Variants in GADL1 observed in about 807,000 individuals in gnomAD.
GADL1 encodes acidic amino acid decarboxylase GADL1.
Under a neutral mutation model 69.5 loss-of-function variants are expected in GADL1, and 71 were observed. The ratio of observed to expected loss-of-function variants is 1.02; its 90% CI spans 0.84 to 1.25. The LOEUF (loss-of-function observed/expected upper bound fraction) is 1.25. Ranked by LOEUF, GADL1 falls within the 50% of genes most tolerant of loss-of-function variation. GADL1 has a pLI of 0.00. For missense variants in GADL1, 737 were observed against 631.8 expected, an observed-to-expected ratio of 1.17 and a Z score of -1.79; for synonymous variants, 254 against 214.4, an observed-to-expected ratio of 1.18 and a Z score of -1.62.
intron 14 of GADL1, among the ~76,000 whole-genome samples, chr3:30,755,075 A>G (rs1695935960): frequency 6.6e-6 from 1 of 152,194 alleles, no homozygotes; most frequent in South Asian, 2.1e-4. Context: ...TAGCCTACCC[A>G]GGGACAACGC....
chr3:30,853,837 G>C (rs1167626348), intron 4 of GADL1, among the ~76,000 whole-genome samples: 1 of 152,030 alleles, frequency 6.6e-6, no homozygotes, highest in Non-Finnish European at 1.5e-5. Context: ...CCCGACTAAA[G>C]TAATGCCCTC....
At chr3:30,872,843 A>C (rs1042473141) in intron 1 of GADL1, among the ~76,000 whole-genome samples, 7 of 151,906 alleles carry the variant, frequency 4.6e-5, no homozygotes, top group African/African-American at 1.7e-4. Context: ...AGTAGCTTGG[A>C]TTCTGTAGCC....
chr3:30,870,501 G>A (rs565088460), intron 1 of GADL1, among the ~76,000 whole-genome samples: 5 of 151,810 alleles, frequency 3.3e-5, no homozygotes, highest in African/African-American at 7.3e-5. Context: ...AGGTAAGGTC[G>A]TATTTTACTC....
chr3:30,859,632 C>A (rs1418107861), intron 2 of GADL1, among the ~76,000 whole-genome samples: 2 of 151,866 alleles, frequency 1.3e-5, no homozygotes, highest in Non-Finnish European at 2.9e-5. Context: ...AACCACACCC[C>A]AAAGGGGTAA....
intron 9 of GADL1, among the ~76,000 whole-genome samples, chr3:30,837,474 T>A (rs986493803): frequency 1.3e-5 from 2 of 152,130 alleles, no homozygotes; most frequent in African/African-American, 4.8e-5. Flanking sequence ...TATAAAGATG[T>A]TTTCTTCAAA....
intron 11 of GADL1, among the ~76,000 whole-genome samples, chr3:30,812,923 GAA>G (rs1251775538): frequency 6.6e-6 from 1 of 151,994 alleles, no homozygotes; most frequent in Non-Finnish European, 1.5e-5. Flanking sequence ...GATCGGGGAA[GAA>G]GAGAAGGAAG....
At chr3:30,806,729 C>CT (rs1308828904) in intron 11 of GADL1, among the ~76,000 whole-genome samples, 1 of 152,164 alleles carries the variant, frequency 6.6e-6, no homozygotes, top group Non-Finnish European at 1.5e-5. Context: ...AAGCTGAGAG[C>CT]TGAAAAGTGA....
intron 14 of GADL1, among the ~76,000 whole-genome samples, chr3:30,747,928 C>T (rs2125476014): frequency 6.6e-6 from 1 of 152,290 alleles, no homozygotes; most frequent in South Asian, 2.1e-4. Context: ...ATGAGTTTAG[C>T]AAAACTCCCT....
intron 14 of GADL1, among the ~76,000 whole-genome samples, chr3:30,757,086 G>A (rs1254114953): frequency 2.0e-5 from 3 of 152,064 alleles, no homozygotes; most frequent in Non-Finnish European, 2.9e-5. Flanking sequence ...GGCTCACCTC[G>A]AGACTAAGGC....
chr3:30,843,269 T>G (rs1338826607), intron 8 of GADL1, among the ~76,000 whole-genome samples: 1 of 151,446 alleles, frequency 6.6e-6, no homozygotes, highest in African/African-American at 2.4e-5. Flanking sequence ...TTTTTTTTTT[T>G]TTTTGAGATG....
intron 1 of GADL1, among the ~76,000 whole-genome samples, chr3:30,871,558 C>G (rs1414903556): frequency 1.3e-5 from 2 of 151,776 alleles, no homozygotes; most frequent in Non-Finnish European, 2.9e-5. Context: ...TAAAAAGTGA[C>G]AGAATAAGAT....
intron 2 of GADL1, among the ~76,000 whole-genome samples, chr3:30,857,628 C>T (rs529517110): frequency 3.8e-4 from 57 of 151,946 alleles, no homozygotes; most frequent in Non-Finnish European, 6.2e-4. Flanking sequence ...TGCTATCGAC[C>T]TAGCAGCCAG....
At chr3:30,781,197 A>AG (rs1400423047) in intron 13 of GADL1, among the ~76,000 whole-genome samples, 8 of 152,332 alleles carry the variant, frequency 5.3e-5, no homozygotes, top group Non-Finnish European at 1.2e-4. Context: ...TTCATGATAA[A>AG]GGAGTAATGT....
chr3:30,758,628 TC>T (rs1165511712), intron 14 of GADL1, among the ~76,000 whole-genome samples: 1 of 152,208 alleles, frequency 6.6e-6, no homozygotes, highest in Admixed American at 6.5e-5. Context: ...ATGTGGACCT[TC>T]TACGAATATA....
rs192343648 is a variant in GADL1, at chr3:30,892,897, C to T, written c.37+1681G>A. On this transcript the variant is annotated intron_variant, in intron 1 of 14. Coordinates refer to ENST00000282538, the MANE Select transcript of GADL1 (RefSeq NM_207359.3). ...TTGAGACAGAGTCTTGCTCTGTCAC[C>T]TAGGCTGGAGTACAGTGGCGCGAAT... Among the ~76,000 whole-genome samples, 982 of 152,262 alleles carry T rather than the reference C, an allele frequency of 6.4e-3. 7 individuals carry two copies. The highest frequency in any genetic ancestry group is 0.022 in the African/African-American group (926 of 41,522).
chr3:30,783,736 T>TG (rs1438255132), intron 13 of GADL1, among the ~76,000 whole-genome samples: 6 of 152,130 alleles, frequency 3.9e-5, no homozygotes, highest in African/African-American at 1.4e-4. Context: ...GCACTGCTTG[T>TG]GGGCCAGCTG....
intron 14 of GADL1, among the ~76,000 whole-genome samples, chr3:30,774,473 T>C (rs1317865080): frequency 2.0e-5 from 3 of 152,206 alleles, no homozygotes; most frequent in Non-Finnish European, 2.9e-5. Flanking sequence ...TTTTGAAAAG[T>C]ATATCATTAA....
chr3:30,876,123 TATA>T (rs749099254), intron 1 of GADL1, among the ~76,000 whole-genome samples: 4 of 152,052 alleles, frequency 2.6e-5, no homozygotes, highest in Non-Finnish European at 5.9e-5. Context: ...GTTCTATACA[TATA>T]ATATGTTACT....
intron 1 of GADL1, among the ~76,000 whole-genome samples, chr3:30,874,566 C>A (rs575316037): frequency 6.6e-6 from 1 of 151,866 alleles, no homozygotes; most frequent in Non-Finnish European, 1.5e-5. Context: ...TTGAGAGAAC[C>A]AAGGTTTGAT....
Sources: gnomAD v4.1 joint callset for allele counts (sites outside exome capture counted in the v4.1 genomes callset) on GRCh38, gnomAD v4.1.1 for gene constraint, MANE v1.5 for transcripts, NCBI Gene and HGNC (gene_info 2026-07-23, HGNC 2026-07-21) for gene names.